Variants in TSNARE1 observed in about 807,000 individuals in gnomAD.
TSNARE1 encodes the protein t-SNARE domain-containing protein 1.
A neutral mutation model predicts 62.0 loss-of-function variants in TSNARE1; 49 were observed. The observed-to-expected ratio is 0.79, with a 90% CI of 0.63 to 1.00. TSNARE1 has a LOEUF of 1.00. Among genes scored for constraint, TSNARE1 ranks in the 50% least tolerant of loss-of-function variants. The pLI is 0.00. For synonymous variants in TSNARE1, 328 were observed against 294.4 expected (o/e 1.11, Z -1.17); for missense variants, 755 against 700.1 (o/e 1.08, Z -0.88).
intron 1 of TSNARE1, among the ~76,000 whole-genome samples, chr8:142,395,172 T>C (rs887002725): frequency 6.6e-6 from 1 of 151,930 alleles, no homozygotes; most frequent in Admixed American, 6.5e-5. Context: ...ACTGTGGGCA[T>C]TTTCCTGTGC....
chr8:142,360,299 C>T (rs1174950753), intron 1 of TSNARE1, among the ~76,000 whole-genome samples: 7 of 152,216 alleles, frequency 4.6e-5, no homozygotes, highest in African/African-American at 1.7e-4. Context: ...GAGGGGGACA[C>T]GGAGTCCCTT....
intron 1 of TSNARE1, among the ~76,000 whole-genome samples, chr8:142,399,030 T>C (rs1019632821): frequency 1.4e-4 from 21 of 152,140 alleles, no homozygotes; most frequent in Admixed American, 6.5e-4. Flanking sequence ...CAGCCCTGGA[T>C]GGCAAGCAGG....
intron 13 of TSNARE1, among the ~76,000 whole-genome samples, chr8:142,221,366 G>C (rs542527493): frequency 6.6e-6 from 1 of 152,238 alleles, no homozygotes; most frequent in African/African-American, 2.4e-5. Context: ...CAGGAAGCAC[G>C]CAAAGGTCCC....
chr8:142,398,395 A>C (rs1481043868), intron 1 of TSNARE1, among the ~76,000 whole-genome samples: 6 of 131,362 alleles, frequency 4.6e-5, no homozygotes, highest in Non-Finnish European at 9.6e-5. Context: ...CTCCAGCCCC[A>C]AAATATGCCC....
chr8:142,350,967 ACTTCAAC>A (rs1331300470), intron 2 of TSNARE1, among the ~76,000 whole-genome samples: 1 of 152,274 alleles, frequency 6.6e-6, no homozygotes, highest in Non-Finnish European at 1.5e-5. Context: ...GCCGTCGGCC[ACTTCAAC>A]TGCAGGTCGG....
intron 3 of TSNARE1, 89 bp from the exon 4 acceptor site, chr8:142,344,561 T>A: frequency 7.5e-7 from 1 of 1,331,932 alleles, no homozygotes; most frequent in Non-Finnish European, 9.8e-7. Context: ...GCCTCCTCTC[T>A]GGTTTCTGCT....
intron 12 of TSNARE1, among the ~76,000 whole-genome samples, chr8:142,245,524 T>G (rs1246508941): frequency 2.0e-5 from 3 of 152,010 alleles, no homozygotes; most frequent in Non-Finnish European, 4.4e-5. Context: ...CATGGATGAG[T>G]CTTCAAAACA....
intron 12 of TSNARE1, among the ~76,000 whole-genome samples, chr8:142,254,609 C>T (rs1438109864): frequency 6.6e-6 from 1 of 152,190 alleles, no homozygotes; most frequent in African/African-American, 2.4e-5. Flanking sequence ...CCTGGCAGAA[C>T]ACGCTTCCTC....
chr8:142,367,350 C>G (rs1192012159), intron 1 of TSNARE1, among the ~76,000 whole-genome samples: 1 of 152,146 alleles, frequency 6.6e-6, no homozygotes, highest in Non-Finnish European at 1.5e-5. Flanking sequence ...CTTTCAGAAC[C>G]CTAGAGAGTG....
chr8:142,323,481 G>A (rs930472688), intron 6 of TSNARE1, among the ~76,000 whole-genome samples: 7 of 152,198 alleles, frequency 4.6e-5, no homozygotes, highest in African/African-American at 7.2e-5. Context: ...TCCTAAAGAC[G>A]CACTTTTAGG....
intron 12 of TSNARE1, among the ~76,000 whole-genome samples, chr8:142,258,337 G>A (rs774460312): frequency 9.2e-5 from 14 of 152,162 alleles, no homozygotes; most frequent in African/African-American, 2.2e-4. Flanking sequence ...GCACGCACCC[G>A]CCCACTGCTG....
chr8:142,262,636 A>G (rs1017482740), intron 12 of TSNARE1, among the ~76,000 whole-genome samples: 1 of 152,054 alleles, frequency 6.6e-6, no homozygotes, highest in Admixed American at 6.6e-5. Flanking sequence ...GGCGATAGTG[A>G]GTTCTCACAA....
At chr8:142,327,485 G>A (rs920118046) in intron 6 of TSNARE1, among the ~76,000 whole-genome samples, 5 of 152,156 alleles carry the variant, frequency 3.3e-5, no homozygotes, top group Non-Finnish European at 7.3e-5. Context: ...GTGCAATTCT[G>A]CACCAGCTGG....
chr8:142,361,404 G>A (rs1241566938), intron 1 of TSNARE1, among the ~76,000 whole-genome samples: 3 of 152,212 alleles, frequency 2.0e-5, no homozygotes, highest in Admixed American at 6.5e-5. Flanking sequence ...CTCCTCGGGC[G>A]AGCCCAGGGC....
chr8:142,284,804 T>C (rs1364471062), intron 10 of TSNARE1, among the ~76,000 whole-genome samples: 2 of 152,138 alleles, frequency 1.3e-5, no homozygotes, highest in African/African-American at 2.4e-5. Context: ...CTTCCCTGAG[T>C]ACAGAGGTCC....
intron 13 of TSNARE1, among the ~76,000 whole-genome samples, chr8:142,216,944 G>A (rs28640269): frequency 0.48 from 72,873 of 151,962 alleles, 17,815 homozygotes; most frequent in East Asian, 0.6. Flanking sequence ...GTGAACAGTC[G>A]TGGAGAAACT....
rs902592631 is a variant in TSNARE1, at chr8:142,228,783, G to A, written c.*11+690C>T. On this transcript the variant is annotated intron_variant, in intron 13 of 13. Coordinates refer to ENST00000524325, the MANE Select transcript of TSNARE1 (RefSeq NM_145003.5). ...GATGATGAAGGAAGGAAGAATGAAT[G>A]GATGCAAGGAAGGAAGGATGGAAAG... 9.8e-5 allele frequency among the ~76,000 whole-genome samples: 15 copies of A among 152,330 alleles called. No homozygotes were observed. The South Asian group carries it at 2.1e-3, about 21-fold the overall frequency.
intron 7 of TSNARE1, among the ~76,000 whole-genome samples, chr8:142,317,883 TG>T (rs1489022785): frequency 1.3e-5 from 2 of 152,082 alleles, no homozygotes; most frequent in African/African-American, 4.8e-5. Context: ...ACTTGAACCC[TG>T]GGGGCAGAAG....
chr8:142,263,894 G>T (rs745468588), intron 12 of TSNARE1, among the ~76,000 whole-genome samples: 2 of 152,088 alleles, frequency 1.3e-5, no homozygotes, highest in South Asian at 4.2e-4. Context: ...ACTTTGTAGC[G>T]CCTTCCATTA....
Sources: allele counts gnomAD v4.1 joint callset (sites outside exome capture counted in the v4.1 genomes callset), GRCh38; gene constraint gnomAD v4.1.1; transcripts MANE v1.5; gene names NCBI Gene and HGNC (gene_info 2026-07-23, HGNC 2026-07-21).